The following SLCO4A1 variants were observed in gnomAD, a reference collection of about 807,000 sequenced individuals.
The protein encoded by SLCO4A1 is colon organic anion transporter.
A neutral mutation model predicts 64.6 loss-of-function variants in SLCO4A1; 51 were observed. The observed-to-expected ratio is 0.79, with a 90% CI of 0.63 to 1.00. SLCO4A1 has a LOEUF of 1.00. Ranked by LOEUF, SLCO4A1 falls within the 50% of genes least tolerant of loss-of-function variation. SLCO4A1 has a pLI of 0.00. For synonymous variants in SLCO4A1, 471 were observed against 444.9 expected, an observed-to-expected ratio of 1.06 and a Z score of -0.74; for missense variants, 919 against 980.5, an observed-to-expected ratio of 0.94 and a Z score of 0.84.
intron 2 of SLCO4A1, among the ~76,000 whole-genome samples, chr20:62,680,557 A>G (rs1160876921): frequency 7.2e-6 from 1 of 138,508 alleles, no homozygotes; most frequent in Non-Finnish European, 1.5e-5. Context: ...TTCTATTTCT[A>G]GTTTGCTGAT....
intron 2 of SLCO4A1, among the ~76,000 whole-genome samples, chr20:62,658,073 C>T (rs1304506094): frequency 1.3e-5 from 2 of 152,200 alleles, no homozygotes; most frequent in African/African-American, 4.8e-5. Flanking sequence ...TCGGCGTCCC[C>T]CTGCCTGGCT....
At chr20:62,642,933 G>A (rs1455425810) in intron 1 of SLCO4A1, 1 of 456,284 alleles carries the variant, frequency 2.2e-6, no homozygotes, top group Non-Finnish European at 4.5e-6. Context: ...GTGGCCCGGA[G>A]CGCGCGCAGG....
chr20:62,668,346 A>G (rs1986752783), intron 9 of SLCO4A1, 131 bp from the exon 10 acceptor site: 7 of 1,261,534 alleles, frequency 5.5e-6, no homozygotes, highest in Non-Finnish European at 6.9e-6. Context: ...CTGATCTCTG[A>G]CGAGGGGCTT....
chr20:62,669,388 G>T (rs1187974938), intron 11 of SLCO4A1, among the ~76,000 whole-genome samples: 21 of 152,206 alleles, frequency 1.4e-4, no homozygotes. Context: ...CACGTACCCG[G>T]GATGCCCGTT....
Position 62,661,993 on chromosome 20 carries a change from C to A in SLCO4A1, c.1121+818C>A, listed in dbSNP as rs1287973765. Among the ~76,000 whole-genome samples the A allele has an allele frequency of 3.9e-5, 6 of 152,116 alleles. No individual in the cohort carries two copies. Among genetic ancestry groups the A allele is most frequent in the African/African-American group, 1.4e-4 (6 of 41,412 alleles). On this transcript the variant is annotated intron_variant, in intron 5 of 11. Transcript: ENST00000217159. The surrounding 1 kb of genome is among the most constrained non-coding windows in gnomAD (Gnocchi z 5.2). ...CCCAAGTCCTCAGCGTCTGAGGCCC[C>A]AGCACGGGGAGACTCTTGTGCCCTT... is the stretch of plus-strand genomic sequence containing the variant.
At chr20:62,643,217 G>C (rs1980712647) in intron 1 of SLCO4A1, 3 of 345,260 alleles carry the variant, frequency 8.7e-6, no homozygotes, top group African/African-American at 2.2e-5. Flanking sequence ...GGCTTGGGGG[G>C]ACCCGGGCGC....
rs748185260 is a variant in SLCO4A1 at position 62,657,113 on chromosome 20, C to T, written c.659C>T (p.Thr220Ile). Residue 220 changes from threonine to isoleucine, a missense_variant, in exon 2 of 12, where the codon ACC (threonine) becomes ATC (isoleucine). Physicochemically the swap from Thr to Ile is moderately conservative, Grantham distance 89. Coordinates refer to ENST00000217159, the MANE Select transcript of SLCO4A1 (RefSeq NM_016354.4). ...ANPGAVCADS[T>I]SGLSRYQLVF... is the part of the protein sequence containing the mutation. ...CCCGGCGCGGTGTGTGCGGACAGCA[C>T]CTCGGGCCTGTCCCGCTACCAGCTG... 7.6e-6 allele frequency: 12 copies of T among 1,586,216 alleles called. No homozygotes were observed. The South Asian group carries it at 1.2e-4, about 16-fold the overall frequency.
chr20:62,662,545 C>A (rs1569136971), intron 5 of SLCO4A1, among the ~76,000 whole-genome samples: 1 of 152,226 alleles, frequency 6.6e-6, no homozygotes, highest in Non-Finnish European at 1.5e-5. Context: ...GGGACATGTT[C>A]CCTTTATTAA....
Position 62,685,408 on chromosome 20 carries a change from T to C in SLCO4A1, n.212-33T>C. On this transcript the variant is annotated intron_variant and non_coding_transcript_variant, in intron 2 of 2. Coordinates refer to the SLCO4A1 transcript ENST00000466818. The surrounding 1 kb of genome is among the most constrained non-coding windows in gnomAD (Gnocchi z 4.6). ...TGCTGTGGCCTGACCAAGCGGGCTG[T>C]TTTCTTGCTTTGTTTGTTGTTTTTT... 1 of 983,620 alleles carries C rather than the reference T, an allele frequency of 1.0e-6. No individual in the cohort carries two copies. The highest frequency in any genetic ancestry group is 1.2e-6 in the Non-Finnish European group (1 of 828,288). 60.9% of individuals were successfully genotyped at this position (983,620 alleles called of 1,614,324 possible).
chr20:62,666,085 TCTC>T (rs1198668503), intron 6 of SLCO4A1: 1 of 110,722 alleles, frequency 9.0e-6, no homozygotes, highest in Non-Finnish European at 2.0e-5. Context: ...CACTCTGGGC[TCTC>T]CTCCTCCCCC....
At chr20:62,690,119 G>A (rs1988181576), downstream of SLCO4A1, among the ~76,000 whole-genome samples, 1 of 152,200 alleles carries the variant, frequency 6.6e-6, no homozygotes, top group Non-Finnish European at 1.5e-5. Flanking sequence ...TGCCTCGGGT[G>A]CCCGCGATGG....
downstream of SLCO4A1, among the ~76,000 whole-genome samples, chr20:62,675,844 T>C (rs1366935260): frequency 1.3e-5 from 2 of 152,016 alleles, no homozygotes; most frequent in Non-Finnish European, 2.9e-5. Context: ...GAGGAGCCCC[T>C]GGGATTAGCC....
intron 2 of SLCO4A1, among the ~76,000 whole-genome samples, chr20:62,681,841 C>A (rs1454522774): frequency 6.6e-6 from 1 of 152,146 alleles, no homozygotes; most frequent in African/African-American, 2.4e-5. Flanking sequence ...AAATCCGTTT[C>A]TTTAATAAAT....
chr20:62,676,183 G>A (rs1337481270), downstream of SLCO4A1, among the ~76,000 whole-genome samples: 2 of 152,198 alleles, frequency 1.3e-5, no homozygotes, highest in African/African-American at 4.8e-5. Flanking sequence ...GGGAGGCTGA[G>A]GCAAGCAGAT....
At chr20:62,676,350 G>A (rs1987593252), downstream of SLCO4A1, among the ~76,000 whole-genome samples, 1 of 152,210 alleles carries the variant, frequency 6.6e-6, no homozygotes, top group Non-Finnish European at 1.5e-5. Flanking sequence ...AGCCTGGGAG[G>A]TCAAGGCTGT....
At chr20:62,642,969 G>A (rs1265410119) in intron 1 of SLCO4A1, 1 of 469,306 alleles carries the variant, frequency 2.1e-6, no homozygotes, top group Non-Finnish European at 4.4e-6. Flanking sequence ...TCCAGCTGGG[G>A]ACGAACGCGC....
At chr20:62,688,384 C>G (rs1026299388), downstream of SLCO4A1, among the ~76,000 whole-genome samples, 1 of 152,178 alleles carries the variant, frequency 6.6e-6, no homozygotes. Context: ...CAACCCTGCC[C>G]GTGCACCAAT....
At chr20:62,655,951 G>C (rs1276021443) in intron 1 of SLCO4A1, among the ~76,000 whole-genome samples, 1 of 152,138 alleles carries the variant, frequency 6.6e-6, no homozygotes, top group Non-Finnish European at 1.5e-5. Context: ...AGCGAGCGGG[G>C]CCAGGGCGGG....
Position 62,661,399 on chromosome 20 carries a change from G to T in SLCO4A1, c.1121+224G>T, listed in dbSNP as rs1984821873. ...GAGCCGTGGGAGAGTCCCAGAGTGG[G>T]GCCGGGGCCTCGGCCCGCACCCAGG... On this transcript the variant is annotated intron_variant, in intron 5 of 11. Coordinates refer to ENST00000217159, the MANE Select transcript of SLCO4A1 (RefSeq NM_016354.4). The surrounding 1 kb of genome is among the most constrained non-coding windows in gnomAD (Gnocchi z 5.2). Among the ~76,000 whole-genome samples the T allele has an allele frequency of 6.6e-6, 1 of 152,086 alleles. No homozygotes were observed. The highest frequency in any genetic ancestry group is 1.5e-5 in the Non-Finnish European group (1 of 67,988).
Sources: gnomAD v4.1 joint callset for allele counts (sites outside exome capture counted in the v4.1 genomes callset) on GRCh38, gnomAD v4.1.1 for gene constraint, Gnocchi (gnomAD v3.1) non-coding constraint, MANE v1.5 for transcripts, NCBI Gene and HGNC (gene_info 2026-07-23, HGNC 2026-07-21) for gene names.